ZNF532: variants seen among roughly 807,000 people sequenced by gnomAD.
ZNF532 encodes the protein zinc finger protein 532.
A neutral mutation model predicts 89.3 loss-of-function variants in ZNF532; 22 were observed. That is an observed-to-expected ratio of 0.25 (90% confidence interval 0.18 to 0.35). The LOEUF is 0.35. Among genes scored for constraint, ZNF532 ranks in the 10% least tolerant of loss-of-function variants. The probability of loss-of-function intolerance (pLI) is 1.00; values close to 1 mark genes in which losing one functional copy is unlikely to be tolerated. For synonymous variants in ZNF532, 606 were observed against 649.6 expected, an observed-to-expected ratio of 0.93 and a Z score of 1.02; for missense variants, 1,132 against 1,643.4, an observed-to-expected ratio of 0.69 and a Z score of 5.38.
In ZNF532 at chr18:58,939,538, T is replaced by A. The variant is rs768329065; in HGVS notation, c.2622T>A (p.Ile874=). The A allele has an allele frequency of 6.2e-7, 1 of 1,614,122 alleles. No homozygotes were observed. Among genetic ancestry groups the A allele is most frequent in the East Asian group, 2.2e-5 (1 of 44,874 alleles). Residue 874 remains isoleucine (I), a synonymous_variant, in exon 5 of 10, where the codon ATT becomes ATA. Coordinates refer to ENST00000591808, the MANE Select transcript of ZNF532 (RefSeq NM_001375912.1). ...GTGAAGTCTTCTACAAGTGTCCTAT[T>A]TGTCCAATGGCGTTTAAGTCTGCCC... ...SHCEVFYKCP[I]CPMAFKSAPS...
intron 2 of ZNF532, among the ~76,000 whole-genome samples, chr18:58,887,775 T>C (rs1022737822): frequency 1.3e-5 from 2 of 152,164 alleles, no homozygotes; most frequent in African/African-American, 2.4e-5. Flanking sequence ...CTAGGGCCTA[T>C]CTGAAGGCTG....
intron 3 of ZNF532, 79 bp from the exon 4 acceptor site, chr18:58,934,354 T>G (rs921564313): frequency 7.7e-7 from 1 of 1,306,450 alleles, no homozygotes; most frequent in East Asian, 2.3e-5. Context: ...TATAATTATC[T>G]GGAGGTTTAA....
At chr18:58,971,561 A>T (rs2066482354) in intron 7 of ZNF532, among the ~76,000 whole-genome samples, 1 of 152,198 alleles carries the variant, frequency 6.6e-6, no homozygotes, top group Admixed American at 6.5e-5. Context: ...CAGAAACCTT[A>T]TGGTTTCTGG....
rs147746410 is a variant in ZNF532 at position 58,939,179 on chromosome 18, G to A, written c.2529-266G>A. On this transcript the variant is annotated intron_variant, in intron 4 of 9. Coordinates refer to ENST00000591808, the MANE Select transcript of ZNF532 (RefSeq NM_001375912.1). Reference sequence around the variant, plus strand: ...CGAGAATTGCTTGAACCTGGGAGGTGGAGGTTGCAATGAGCCGGGATCACA... The same window carrying A: ...CGAGAATTGCTTGAACCTGGGAGGTAGAGGTTGCAATGAGCCGGGATCACA... Among the ~76,000 whole-genome samples, 13 of 145,294 alleles carry A rather than the reference G, an allele frequency of 8.9e-5. No individual in the cohort carries two copies. The East Asian group carries it at 2.6e-3, about 29-fold the overall frequency.
chr18:58,894,467 C>CAA (rs149027291), intron 2 of ZNF532, among the ~76,000 whole-genome samples: 7 of 77,828 alleles, frequency 9.0e-5, no homozygotes, highest in Admixed American at 1.1e-4. Flanking sequence ...GACTCCATCT[C>CAA]AAAAAAAAAA....
intron 2 of ZNF532, among the ~76,000 whole-genome samples, chr18:58,866,733 A>G (rs952229495): frequency 1.3e-5 from 2 of 152,246 alleles, no homozygotes; most frequent in Admixed American, 6.5e-5. Context: ...AAGGACGTCA[A>G]GTATGCAAGG....
At chr18:58,885,222 C>G (rs1214246238) in intron 2 of ZNF532, among the ~76,000 whole-genome samples, 3 of 152,162 alleles carry the variant, frequency 2.0e-5, no homozygotes, top group African/African-American at 7.2e-5. Context: ...CTCCCGACCT[C>G]AGGTGATCTG....
intron 2 of ZNF532, among the ~76,000 whole-genome samples, chr18:58,910,071 T>C (rs554259429): frequency 2.7e-3 from 367 of 133,678 alleles, no homozygotes; most frequent in Middle Eastern, 0.01. Context: ...ACCCTGTCTC[T>C]ACAAAAAAAA....
intron 2 of ZNF532, among the ~76,000 whole-genome samples, chr18:58,886,028 G>A (rs2058279464): frequency 6.6e-6 from 1 of 152,064 alleles, no homozygotes; most frequent in Non-Finnish European, 1.5e-5. Flanking sequence ...CGCAGCTGGT[G>A]TGTAGTGGCG....
At position 58,920,141 on chromosome 18, in the gene ZNF532, C is replaced by T. The variant is rs947509406; in HGVS notation, c.1854C>T (p.Cys618=). The T allele has an allele frequency of 6.2e-7, 1 of 1,613,982 alleles. No homozygotes were observed. Among genetic ancestry groups the T allele is most frequent in the African/African-American group, 1.3e-5 (1 of 75,034 alleles). Residue 618 remains cysteine (C), a synonymous_variant, in exon 3 of 10, where the codon TGC becomes TGT. Coordinates refer to ENST00000591808, the MANE Select transcript of ZNF532 (RefSeq NM_001375912.1). ...CGTTACCGACGCGTGGGTACAAGTG[C>T]TTGGAGTGTGGGGACTCCTTTGCAC... The part of the protein sequence containing the change: ...GITLPTRGYK[C]LECGDSFALE...
At chr18:58,910,724 C>G (rs895042615) in intron 2 of ZNF532, among the ~76,000 whole-genome samples, 1 of 152,130 alleles carries the variant, frequency 6.6e-6, no homozygotes, top group African/African-American at 2.4e-5. Flanking sequence ...ATCCACCCGC[C>G]TCAGCCTCCC....
At chr18:58,896,492 TG>T (rs2059259356) in intron 2 of ZNF532, 1 of 152,234 alleles carries the variant, frequency 6.6e-6, no homozygotes, top group South Asian at 2.1e-4. Context: ...CCACCACCCA[TG>T]TCTGGGCTGG....
At chr18:58,894,870 G>A (rs1046449568) in intron 2 of ZNF532, among the ~76,000 whole-genome samples, 1 of 152,190 alleles carries the variant, frequency 6.6e-6, no homozygotes, top group African/African-American at 2.4e-5. Flanking sequence ...ATGGTGGCCT[G>A]TAGTCCCAGC....
At chr18:58,908,122 T>A (rs2060048932) in intron 2 of ZNF532, among the ~76,000 whole-genome samples, 1 of 152,248 alleles carries the variant, frequency 6.6e-6, no homozygotes, top group Admixed American at 6.5e-5. Flanking sequence ...CAAGGCTCCC[T>A]CTAAATATCA....
At chr18:58,903,912 C>T (rs2059757107) in intron 2 of ZNF532, among the ~76,000 whole-genome samples, 1 of 152,160 alleles carries the variant, frequency 6.6e-6, no homozygotes, top group Middle Eastern at 3.4e-3. Flanking sequence ...TTATAGATTG[C>T]CCTTTAGAGA....
intron 9 of ZNF532, 135 bp downstream of exon 9, chr18:58,981,752 C>T (rs2067795652): frequency 6.0e-6 from 7 of 1,171,398 alleles, no homozygotes; most frequent in African/African-American, 1.5e-5. Context: ...GTGGCTCATG[C>T]CCACCACTTT....
intron 7 of ZNF532, among the ~76,000 whole-genome samples, chr18:58,959,270 G>GTTTTTTT (rs1460137767): frequency 3.1e-5 from 4 of 127,678 alleles, no homozygotes; most frequent in East Asian, 2.6e-4. Context: ...GTTTTTTTTT[G>GTTTTTTT]TTTTTTTTTG....
In ZNF532 at chr18:58,918,931, A is replaced by T. The variant is rs1208504078; in HGVS notation, c.644A>T (p.Tyr215Phe). The change falls in exon 3 of 10, where the codon TAT becomes TTT. Residue 215 changes from tyrosine (Y) to phenylalanine (F), a missense_variant. Physicochemically the swap from Tyr to Phe is conservative, Grantham distance 22. Transcript: ENST00000591808. ...GCCAGTTCTATAAACCTGAGTGTTTATGAACCTTTTAAAGTCAGAAAAGCA... is the reference window on the plus strand; with the variant it reads ...GCCAGTTCTATAAACCTGAGTGTTTTTGAACCTTTTAAAGTCAGAAAAGCA... ...TEASSINLSV[Y>F]EPFKVRKAED... 9 of 1,614,028 alleles carry T rather than the reference A, an allele frequency of 5.6e-6. No individual in the cohort carries two copies. The highest frequency in any genetic ancestry group is 7.6e-6 in the Non-Finnish European group (9 of 1,180,034).
rs144126273 is a variant in ZNF532 at position 58,942,996 on chromosome 18, A to G, written c.2705+3375A>G. ...AAGCATGGCACACGATTGTTGTTTA[A>G]TTTACTGCATTTACTCTGTGCTGGG... On this transcript the variant is annotated intron_variant, in intron 5 of 9. Coordinates refer to ENST00000591808, the MANE Select transcript of ZNF532 (RefSeq NM_001375912.1). Among the ~76,000 whole-genome samples, 434 of 152,182 alleles carry G rather than the reference A, an allele frequency of 2.9e-3. 3 individuals are homozygous for G. Among genetic ancestry groups the G allele is most frequent in the Admixed American group, 7.8e-3 (119 of 15,280 alleles).
Sources: allele counts gnomAD v4.1 joint callset (sites outside exome capture counted in the v4.1 genomes callset), GRCh38; gene constraint gnomAD v4.1.1; transcripts MANE v1.5; gene names NCBI Gene and HGNC (gene_info 2026-07-23, HGNC 2026-07-21).